MCU: variants seen among roughly 807,000 people sequenced by gnomAD.
MCU encodes the protein mitochondrial calcium uniporter, also known as calcium uniporter protein, mitochondrial.
MCU carries 12 observed loss-of-function variants against 45.2 expected under a neutral mutation model. The ratio of observed to expected loss-of-function variants is 0.27; its 90% CI spans 0.17 to 0.43. The LOEUF is 0.43. Ranked by LOEUF, MCU falls within the 20% of genes least tolerant of loss-of-function variation. The pLI is 1.00. For missense variants in MCU, 324 were observed against 436.7 expected, an observed-to-expected ratio of 0.74 and a Z score of 2.30; for synonymous variants, 160 against 165.1, an observed-to-expected ratio of 0.97 and a Z score of 0.24.
At chr10:72,860,351 G>A (rs1028434305) in intron 3 of MCU, 72 bp from the exon 4 acceptor site, 4 of 1,299,240 alleles carry the variant, frequency 3.1e-6, no homozygotes, top group Non-Finnish European at 4.4e-6. Flanking sequence ...AAACGATTTT[G>A]AAGATTGAAT....
In MCU at chr10:72,778,513, G is replaced by A. The variant is rs1369007663; in HGVS notation, c.151-55846G>A. Among the ~76,000 whole-genome samples the A allele has an allele frequency of 2.6e-5, 4 of 152,250 alleles. No homozygotes were observed. The South Asian group carries it at 8.3e-4, about 32-fold the overall frequency. ...TAGAGTGTAGAATGGTAGTTACAGA[G>A]GCTGGGAATGGTTGGAGCCGGGGGG... On this transcript the variant is annotated intron_variant, in intron 1 of 7. Coordinates refer to ENST00000373053, the MANE Select transcript of MCU (RefSeq NM_138357.3).
At chr10:72,869,441 C>T (rs1249115968) in intron 5 of MCU, among the ~76,000 whole-genome samples, 1 of 152,106 alleles carries the variant, frequency 6.6e-6, no homozygotes, top group Admixed American at 6.5e-5. Context: ...AAAAATTAGC[C>T]GGGCATTGTG....
At chr10:72,796,157 G>C (rs56074125) in intron 1 of MCU, among the ~76,000 whole-genome samples, 5,860 of 152,082 alleles carry the variant, frequency 0.039, 388 homozygotes, top group African/African-American at 0.13. Flanking sequence ...CTTTAAAACG[G>C]TCCAATTGTG....
chr10:72,780,511 AGTGT>A (rs60306247), intron 1 of MCU, among the ~76,000 whole-genome samples: 84 of 110,658 alleles, frequency 7.6e-4, no homozygotes, highest in East Asian at 4.6e-3. Flanking sequence ...TCTTTGGCTA[AGTGT>A]GTGTGTGTGT....
chr10:72,709,388 C>G (rs56263080), intron 1 of MCU, among the ~76,000 whole-genome samples: 6,722 of 152,240 alleles, frequency 0.044, 485 homozygotes, highest in African/African-American at 0.15. Context: ...TAGAATGGAA[C>G]AAATAGTAAA....
In MCU at chr10:72,841,606, A is replaced by AT. The variant is rs539747496; in HGVS notation, c.220+7183dup. ...AACCACCGCGCCTGACCCCAAAAAA[A>AT]TTTTTGACTGTAATGAAGATCTTAG... is the stretch of plus-strand genomic sequence containing the variant. On this transcript the variant is annotated intron_variant, in intron 2 of 7. Transcript: ENST00000373053. Among the ~76,000 whole-genome samples, 676 of 152,252 alleles carry AT rather than the reference A, an allele frequency of 4.4e-3. 2 individuals are homozygous for AT. Among genetic ancestry groups the AT allele is most frequent in the Non-Finnish European group, 7.3e-3 (494 of 68,018 alleles).
chr10:72,874,192 T>C (rs954980435), intron 6 of MCU, among the ~76,000 whole-genome samples: 35 of 152,266 alleles, frequency 2.3e-4, no homozygotes, highest in African/African-American at 8.0e-4. Context: ...TTCAGGGTAG[T>C]GTTGATTTAT....
chr10:72,693,191 TGTGTGTGTGA>T, intron 1 of MCU: 4 of 931,612 alleles, frequency 4.3e-6, no homozygotes, highest in Non-Finnish European at 6.7e-6. Flanking sequence ...TGTGTGTGTG[TGTGTGTGTGA>T]GAGAGAGAGA....
At chr10:72,712,002 G>A (rs1393583274) in intron 1 of MCU, among the ~76,000 whole-genome samples, 8 of 150,144 alleles carry the variant, frequency 5.3e-5, no homozygotes, top group South Asian at 4.2e-4. Flanking sequence ...ATGAGCCACC[G>A]CACCCTGCCC....
At chr10:72,707,337 T>C (rs1012411318) in intron 1 of MCU, among the ~76,000 whole-genome samples, 14 of 151,720 alleles carry the variant, frequency 9.2e-5, no homozygotes, top group Admixed American at 8.5e-4. Flanking sequence ...TAGCTGGGAT[T>C]ATAGGTGCGC....
At chr10:72,835,189 A>T (rs1419186980) in intron 2 of MCU, among the ~76,000 whole-genome samples, 1 of 152,244 alleles carries the variant, frequency 6.6e-6, no homozygotes, top group African/African-American at 2.4e-5. Flanking sequence ...GAAGGGATAA[A>T]CAGATGCTTG....
intron 1 of MCU, among the ~76,000 whole-genome samples, chr10:72,831,456 A>G (rs1236997957): frequency 6.6e-6 from 1 of 152,198 alleles, no homozygotes; most frequent in Non-Finnish European, 1.5e-5. Flanking sequence ...TATTTTATAT[A>G]AAATTATAGT....
At position 72,707,606 on chromosome 10, in the gene MCU, G is replaced by GGTGTGTGTGTGTGT. The variant is rs373225323; in HGVS notation, c.150+15334_150+15347dup. Among the ~76,000 whole-genome samples the GGTGTGTGTGTGTGT allele has an allele frequency of 3.2e-4, 43 of 135,024 alleles. 1 individual carries two copies. The highest frequency in any genetic ancestry group is 1.5e-3 in the East Asian group (7 of 4,582). The allele number at this position is 135,024 out of a possible 152,430, so 88.6% of individuals were successfully genotyped here. ...AAATGAAGAGGTGGTCGTGGTGAGTGGTGTGTGTGTGTGTGTGTGTGTGTG... is the reference window on the plus strand; with the variant it reads ...AAATGAAGAGGTGGTCGTGGTGAGTGGTGTGTGTGTGTGTGTGTGTGTGTGTGTGTGTGTGTGTG... On this transcript the variant is annotated intron_variant, in intron 1 of 7. Coordinates refer to ENST00000373053, the MANE Select transcript of MCU (RefSeq NM_138357.3).
At chr10:72,715,071 T>C (rs1450562974) in intron 1 of MCU, 1 of 666,220 alleles carries the variant, frequency 1.5e-6, no homozygotes, top group East Asian at 1.4e-4. Context: ...AAGAGGGCCT[T>C]TACCTTTGAC....
intron 1 of MCU, among the ~76,000 whole-genome samples, chr10:72,726,547 G>A (rs934529926): frequency 1.3e-5 from 2 of 151,540 alleles, no homozygotes; most frequent in African/African-American, 4.9e-5. Flanking sequence ...TAAGCATCTT[G>A]TACATATCCT....
At chr10:72,742,077 C>A (rs7474728) in intron 1 of MCU, among the ~76,000 whole-genome samples, 68,393 of 148,946 alleles carry the variant, frequency 0.46, 19,756 homozygotes, top group Non-Finnish European at 0.67. Context: ...CCATAACCTG[C>A]ATATATGGAT....
At chr10:72,743,579 G>A (rs1345862693) in intron 1 of MCU, among the ~76,000 whole-genome samples, 1 of 151,366 alleles carries the variant, frequency 6.6e-6, no homozygotes, top group Non-Finnish European at 1.5e-5. Context: ...TTTTTTTTCT[G>A]TACTTGTACA....
chr10:72,751,909 G>A (rs112677350), intron 1 of MCU, among the ~76,000 whole-genome samples: 2 of 151,354 alleles, frequency 1.3e-5, no homozygotes, highest in African/African-American at 4.8e-5. Flanking sequence ...GTGCCATCTC[G>A]GCTCACTGCA....
chr10:72,876,908 G>A (rs1038199740), intron 6 of MCU, among the ~76,000 whole-genome samples: 1 of 145,702 alleles, frequency 6.9e-6, no homozygotes, highest in Non-Finnish European at 1.5e-5. Context: ...CTCTCACTTA[G>A]TATCAAATCA....
Sources: allele counts gnomAD v4.1 joint callset (sites outside exome capture counted in the v4.1 genomes callset), GRCh38; gene constraint gnomAD v4.1.1; transcripts MANE v1.5; gene names NCBI Gene and HGNC (gene_info 2026-07-23, HGNC 2026-07-21).